The following PCDHGA3 variants were observed in gnomAD, a reference collection of about 807,000 sequenced individuals.
The protein encoded by PCDHGA3 is protocadherin gamma subfamily A, 3.
In PCDHGA3, 40 loss-of-function variants were observed where a neutral mutation model predicts 58.5. The observed-to-expected ratio is 0.68, with a 90% CI of 0.53 to 0.89. The LOEUF (loss-of-function observed/expected upper bound fraction) is 0.89. PCDHGA3 is among the 40% of genes least tolerant of loss of function. PCDHGA3 has a pLI of 0.00. For synonymous variants in PCDHGA3, 530 were observed against 525.7 expected (o/e 1.01, Z -0.11); for missense variants, 1,223 against 1,195.9 (o/e 1.02, Z -0.33).
intron 1 of PCDHGA3, chr5:141,404,701 G>T (rs563319884): frequency 6.2e-7 from 1 of 1,614,074 alleles, no homozygotes; most frequent in African/African-American, 1.3e-5. Flanking sequence ...GCTCTGCAGA[G>T]CCTGGCTACC....
At position 141,351,605 on chromosome 5, in the gene PCDHGA3, C is replaced by T. The variant is rs373905921; in HGVS notation, c.2424+5148C>T. ...CATCAACGACAATGCACCTGTTTTC[C>T]ATCAGGCCTCCTATGTGGTCCACGT... On this transcript the variant is annotated intron_variant, in intron 1 of 3. Transcript: ENST00000253812. The T allele has an allele frequency of 8.1e-5, 130 of 1,613,938 alleles. No individual in the cohort carries two copies. The highest frequency in any genetic ancestry group is 1.1e-4 in the Non-Finnish European group (127 of 1,179,904).
chr5:141,347,534 C>T (rs1461932058), intron 1 of PCDHGA3, among the ~76,000 whole-genome samples: 1 of 152,028 alleles, frequency 6.6e-6, no homozygotes, highest in Non-Finnish European at 1.5e-5. Flanking sequence ...ATGCTGTAAT[C>T]CCAGCACTTT....
Position 141,432,229 on chromosome 5 carries a change from C to T in PCDHGA3, c.2425-62578C>T, listed in dbSNP as rs1246285803. Reference sequence around the variant, plus strand: ...AAGAGAACGCCCAGATCACTTATTCCCTGGCTGAGAACACCATCCAAGGGG... The same window carrying T: ...AAGAGAACGCCCAGATCACTTATTCTCTGGCTGAGAACACCATCCAAGGGG... On this transcript the variant is annotated intron_variant, in intron 1 of 3. Coordinates refer to ENST00000253812, the MANE Select transcript of PCDHGA3 (RefSeq NM_018916.4). The surrounding 1 kb of genome is among the most constrained non-coding windows in gnomAD (Gnocchi z 6.0). The T allele has an allele frequency of 6.2e-7, 1 of 1,614,232 alleles. No homozygotes were observed.
intron 1 of PCDHGA3, chr5:141,365,002 C>A: frequency 6.2e-7 from 1 of 1,613,918 alleles, no homozygotes; most frequent in African/African-American, 1.3e-5. Flanking sequence ...TACTCTCCGG[C>A]ACCACGCACA....
At chr5:141,421,662 G>A (rs2096591243) in intron 1 of PCDHGA3, 3 of 1,613,844 alleles carry the variant, frequency 1.9e-6, no homozygotes, top group South Asian at 1.1e-5. Context: ...AAGTCAGTGA[G>A]CACGCAATTC....
At chr5:141,465,094 GT>G (rs138941665) in intron 1 of PCDHGA3, among the ~76,000 whole-genome samples, 203 of 148,178 alleles carry the variant, frequency 1.4e-3, no homozygotes, top group Admixed American at 7.3e-3. Context: ...TTTTCTAGTA[GT>G]TTTTTTTTTA....
At chr5:141,346,602 G>A (rs2149741302) in intron 1 of PCDHGA3, 145 bp downstream of exon 1, 1 of 1,256,172 alleles carries the variant, frequency 8.0e-7, no homozygotes, top group Non-Finnish European at 1.1e-6. Context: ...TTCTTTCTGG[G>A]CCTATAGTAG....
chr5:141,370,632 G>A (rs1393089776), intron 1 of PCDHGA3: 15 of 1,613,802 alleles, frequency 9.3e-6, no homozygotes, highest in Non-Finnish European at 1.3e-5. Context: ...CGTGAGCCCC[G>A]AAAATGGGAA....
At chr5:141,403,143 T>A in intron 1 of PCDHGA3, 1 of 1,613,850 alleles carries the variant, frequency 6.2e-7, no homozygotes, top group Non-Finnish European at 8.5e-7. Flanking sequence ...GAGCGCCGAG[T>A]CCGCATCGTC....
At chr5:141,434,807 A>G (rs2097718601) in intron 1 of PCDHGA3, among the ~76,000 whole-genome samples, 1 of 152,016 alleles carries the variant, frequency 6.6e-6, no homozygotes, top group South Asian at 2.1e-4. Context: ...AGCTTGGAGA[A>G]ATATATCCCT....
chr5:141,417,711 C>A, intron 1 of PCDHGA3: 1 of 1,261,876 alleles, frequency 7.9e-7, no homozygotes, highest in Non-Finnish European at 1.1e-6. Flanking sequence ...CACAGAGGCT[C>A]CCGGCTGCGC....
chr5:141,427,743 T>A, intron 1 of PCDHGA3: 5 of 1,249,166 alleles, frequency 4.0e-6, no homozygotes, highest in Non-Finnish European at 5.8e-6. Context: ...CCAAGTCTCC[T>A]ACTCCATCGT....
intron 1 of PCDHGA3, chr5:141,351,673 C>G (rs746872217): frequency 1.9e-6 from 3 of 1,614,004 alleles, no homozygotes; most frequent in East Asian, 2.2e-5. Context: ...CACAAGTAAG[C>G]GCCTCCGACC....
intron 1 of PCDHGA3, chr5:141,428,371 C>A: frequency 5.6e-6 from 3 of 536,772 alleles, no homozygotes; most frequent in Non-Finnish European, 1.0e-5. Flanking sequence ...CGCCTTGCAC[C>A]TGCGATGCTC....
At chr5:141,441,849 G>A (rs1192040398) in intron 1 of PCDHGA3, 2 of 345,448 alleles carry the variant, frequency 5.8e-6, no homozygotes, top group Non-Finnish European at 1.1e-5. Context: ...TCTTGGATAT[G>A]GTGCTGCACG....
In PCDHGA3 at chr5:141,476,476, C is replaced by T; in HGVS notation, c.2425-18331C>T. 6.2e-7 allele frequency: 1 copy of T among 1,613,986 alleles called. No homozygotes were observed. The highest frequency in any genetic ancestry group is 8.5e-7 in the Non-Finnish European group (1 of 1,179,992). On this transcript the variant is annotated intron_variant, in intron 1 of 3. Transcript: ENST00000253812. The surrounding 1 kb of genome is among the most constrained non-coding windows in gnomAD (Gnocchi z 7.6). Reference sequence around the variant, plus strand: ...TGGAGAACCCGCTGGAGCTGTTCAGCGTGGAAGTGGTGATCCAGGACATCA... The same window carrying T: ...TGGAGAACCCGCTGGAGCTGTTCAGTGTGGAAGTGGTGATCCAGGACATCA...
chr5:141,349,791 A>AT (rs199730073), intron 1 of PCDHGA3, among the ~76,000 whole-genome samples: 8 of 151,584 alleles, frequency 5.3e-5, no homozygotes, highest in Non-Finnish European at 5.9e-5. Flanking sequence ...ATCACTGAAG[A>AT]TTTTTTTTTA....
In PCDHGA3 at chr5:141,491,715, G is replaced by A. The variant is rs1333909488; in HGVS notation, c.2425-3092G>A. 1 of 1,607,782 alleles carries A rather than the reference G, an allele frequency of 6.2e-7. No individual in the cohort carries two copies. Among genetic ancestry groups the A allele is most frequent in the Admixed American group, 1.7e-5 (1 of 58,966 alleles). On this transcript the variant is annotated intron_variant, in intron 1 of 3. Transcript: ENST00000253812. This position sits in a 1 kb window ranked among gnomAD's most constrained non-coding sequence, Gnocchi z 6.9. ...AGCGGAGCCAGGTGAGGGGCTCGGC[G>A]CCGCCCCGGGCGACCCCTGGGGGCG...
chr5:141,447,885 A>T (rs2098554278), intron 1 of PCDHGA3, among the ~76,000 whole-genome samples: 1 of 152,134 alleles, frequency 6.6e-6, no homozygotes, highest in Admixed American at 6.6e-5. Context: ...CAGGAGTTCG[A>T]GACCAGCCTG....
Sources: gnomAD v4.1 joint callset for allele counts (sites outside exome capture counted in the v4.1 genomes callset) on GRCh38, gnomAD v4.1.1 for gene constraint, Gnocchi (gnomAD v3.1) non-coding constraint, MANE v1.5 for transcripts, NCBI Gene and HGNC (gene_info 2026-07-23, HGNC 2026-07-21) for gene names.